Variants in QKI observed in about 807,000 individuals in gnomAD.
The protein encoded by QKI is QKI, KH domain containing RNA binding.
QKI carries 10 observed loss-of-function variants against 39.0 expected under a neutral mutation model. The ratio of observed to expected loss-of-function variants is 0.26; its 90% confidence interval spans 0.16 to 0.43. The LOEUF is 0.43. Ranked by LOEUF, QKI falls within the 20% of genes least tolerant of loss-of-function variation. The pLI, the probability that QKI is intolerant of heterozygous loss-of-function variation, is 1.00. For missense variants in QKI, 218 were observed against 428.0 expected (o/e 0.51, Z 4.33); for synonymous variants, 204 against 155.4 (o/e 1.31, Z -2.33).
chr6:163,486,111 AC>A (rs1777660404), intron 3 of QKI, among the ~76,000 whole-genome samples: 1 of 152,196 alleles, frequency 6.6e-6, no homozygotes, highest in African/African-American at 2.4e-5. Flanking sequence ...CCATGGGACA[AC>A]CTTGGAAAAG....
At chr6:163,441,924 T>C (rs905080081) in intron 1 of QKI, among the ~76,000 whole-genome samples, 2 of 152,216 alleles carry the variant, frequency 1.3e-5, no homozygotes, top group African/African-American at 2.4e-5. Flanking sequence ...CTATTGTTTA[T>C]CTTTGTAAGG....
chr6:163,423,718 G>A (rs191173748), intron 1 of QKI: 1 of 152,344 alleles, frequency 6.6e-6, no homozygotes, highest in East Asian at 1.9e-4. Context: ...GAGGCTAAAA[G>A]TGAGAAAGCC....
chr6:163,440,849 A>G (rs778179670), intron 1 of QKI, among the ~76,000 whole-genome samples: 39 of 150,668 alleles, frequency 2.6e-4, no homozygotes, highest in Non-Finnish European at 5.0e-4. Context: ...AAAAATCATT[A>G]TATTGTATCA....
chr6:163,486,611 ATATGT>A (rs1777696517), intron 3 of QKI, among the ~76,000 whole-genome samples: 1 of 152,204 alleles, frequency 6.6e-6, no homozygotes, highest in Non-Finnish European at 1.5e-5. Context: ...TAATTGGTCA[ATATGT>A]TATATTTTTA....
At chr6:163,446,787 G>A (rs1454241822) in intron 1 of QKI, among the ~76,000 whole-genome samples, 2 of 152,094 alleles carry the variant, frequency 1.3e-5, no homozygotes, top group African/African-American at 4.8e-5. Flanking sequence ...GTGAATGAAG[G>A]CCCTCCCCAC....
chr6:163,441,273 T>G (rs1220343658), intron 1 of QKI, among the ~76,000 whole-genome samples: 1 of 152,210 alleles, frequency 6.6e-6, no homozygotes, highest in African/African-American at 2.4e-5. Flanking sequence ...AAGTCCAGAA[T>G]AAAGAGACCA....
chr6:163,519,899 G>GT (rs1224708036), intron 3 of QKI, among the ~76,000 whole-genome samples: 2 of 152,090 alleles, frequency 1.3e-5, no homozygotes, highest in African/African-American at 4.8e-5. Context: ...TGTTACATCT[G>GT]TTTCTTAATT....
intron 3 of QKI, among the ~76,000 whole-genome samples, chr6:163,510,209 C>CT (rs987173928): frequency 1.8e-4 from 20 of 112,670 alleles, no homozygotes; most frequent in African/African-American, 5.1e-4. Flanking sequence ...GAGCAAGACT[C>CT]TATCTCAAAA....
chr6:163,496,105 T>C (rs1778388723), intron 3 of QKI, among the ~76,000 whole-genome samples: 1 of 152,210 alleles, frequency 6.6e-6, no homozygotes, highest in Non-Finnish European at 1.5e-5. Flanking sequence ...ACATTTCTAA[T>C]AGGTTAAGAT....
chr6:163,416,192 A>T (rs1787477626), intron 1 of QKI: 6 of 341,246 alleles, frequency 1.8e-5, no homozygotes, highest in South Asian at 1.3e-4. Context: ...AGACGTTTGG[A>T]AAGGGCGAAA....
intron 6 of QKI, chr6:163,563,937 TCA>T: frequency 1.4e-6 from 2 of 1,400,972 alleles, no homozygotes; most frequent in Non-Finnish European, 1.8e-6. Context: ...TAACTGAGGT[TCA>T]GTTTGGTTGG....
intron 3 of QKI, among the ~76,000 whole-genome samples, chr6:163,484,385 G>A (rs1302760968): frequency 6.6e-6 from 1 of 152,022 alleles, no homozygotes; most frequent in Non-Finnish European, 1.5e-5. Context: ...ATTTTTAGTA[G>A]AGATGCGGTT....
intron 2 of QKI, among the ~76,000 whole-genome samples, chr6:163,473,110 A>C (rs1353949450): frequency 6.6e-6 from 1 of 152,148 alleles, no homozygotes; most frequent in African/African-American, 2.4e-5. Context: ...ATCTTAAGTA[A>C]ACCACTTGTT....
chr6:163,552,588 C>T (rs1036046891), intron 4 of QKI, among the ~76,000 whole-genome samples: 17 of 152,032 alleles, frequency 1.1e-4, no homozygotes, highest in Admixed American at 6.5e-4. Flanking sequence ...TGTTTCAGGG[C>T]TGGCAGGGGC....
intron 4 of QKI, among the ~76,000 whole-genome samples, chr6:163,548,190 C>T (rs78380880): frequency 0.04 from 6,124 of 151,940 alleles, 133 homozygotes; most frequent in African/African-American, 0.063. Flanking sequence ...GTTTGTTTAT[C>T]CCCTTGCCCC....
chr6:163,482,703 A>G (rs1340966732), intron 3 of QKI, among the ~76,000 whole-genome samples: 3 of 152,290 alleles, frequency 2.0e-5, no homozygotes, highest in African/African-American at 7.2e-5. Flanking sequence ...AGGGCAAGAC[A>G]TGTGGGAAGG....
intron 3 of QKI, among the ~76,000 whole-genome samples, chr6:163,487,304 T>C (rs1777744263): frequency 6.6e-6 from 1 of 152,148 alleles, no homozygotes. Context: ...GAGGGAACTC[T>C]CTCATTCCCC....
intron 2 of QKI, among the ~76,000 whole-genome samples, chr6:163,466,992 T>C (rs1240742522): frequency 7.2e-6 from 1 of 139,430 alleles, no homozygotes; most frequent in Non-Finnish European, 1.5e-5. Flanking sequence ...GGGTTTAATA[T>C]CCAAAAGATA....
chr6:163,440,691 C>T lies in QKI; in HGVS notation c.143-14588C>T, dbSNP rs1265587562. Among the ~76,000 whole-genome samples the T allele has an allele frequency of 2.0e-5, 3 of 152,300 alleles. No individual in the cohort carries two copies. The East Asian group carries it at 5.8e-4, about 29-fold the overall frequency. On this transcript the variant is annotated intron_variant, in intron 1 of 7. Coordinates refer to ENST00000361752, the MANE Select transcript of QKI (RefSeq NM_006775.3). ...TCTTTTAAGAGGTCTTATTTTGCTA[C>T]TCTGCTTCAACTATAGTTTTTGTTC... is the stretch of plus-strand genomic sequence containing the variant.
Sources: allele counts gnomAD v4.1 joint callset (sites outside exome capture counted in the v4.1 genomes callset), GRCh38; gene constraint gnomAD v4.1.1; transcripts MANE v1.5; gene names NCBI Gene and HGNC (gene_info 2026-07-23, HGNC 2026-07-21).